The following EBF2 variants were observed in gnomAD, a reference collection of about 807,000 sequenced individuals.
EBF2 encodes the protein transcription factor COE2.
EBF2 carries 21 observed loss-of-function variants against 72.8 expected under a neutral mutation model. The ratio of observed to expected loss-of-function variants is 0.29; its 90% CI spans 0.20 to 0.42. The LOEUF (loss-of-function observed/expected upper bound fraction) is 0.42, where lower values mean the gene tolerates loss of function less well. Ranked by LOEUF, EBF2 falls within the 10% of genes least tolerant of loss-of-function variation. EBF2 has a pLI of 1.00. For missense variants in EBF2, 637 were observed against 731.2 expected (o/e 0.87, Z 1.49); for synonymous variants, 299 against 274.2 (o/e 1.09, Z -0.89).
intron 6 of EBF2, among the ~76,000 whole-genome samples, chr8:25,953,839 C>G (rs1210265505): frequency 6.6e-6 from 1 of 152,224 alleles, no homozygotes; most frequent in African/African-American, 2.4e-5. Flanking sequence ...AATCCTCCAT[C>G]GTCAGAGATC....
At chr8:25,995,696 G>A (rs1585220195) in intron 6 of EBF2, among the ~76,000 whole-genome samples, 2 of 151,916 alleles carry the variant, frequency 1.3e-5, no homozygotes, top group East Asian at 1.9e-4. Flanking sequence ...GTAAAAAGAT[G>A]TATAAGGGAT....
At chr8:25,926,023 T>TC (rs1489832085) in intron 6 of EBF2, among the ~76,000 whole-genome samples, 1 of 152,130 alleles carries the variant, frequency 6.6e-6, no homozygotes. Context: ...TTCTTTGCTA[T>TC]CCCTCAGCCC....
intron 10 of EBF2, among the ~76,000 whole-genome samples, chr8:25,866,074 C>A (rs891502885): frequency 6.6e-6 from 1 of 151,670 alleles, no homozygotes; most frequent in African/African-American, 2.4e-5. Flanking sequence ...GTAGCCAAAA[C>A]CCCTGACAGA....
rs1172220360 is a variant in EBF2 at position 26,044,100 on chromosome 8, G to A, written c.131+629C>T. On this transcript the variant is annotated intron_variant, in intron 1 of 15. Transcript: ENST00000520164. This position sits in a 1 kb window ranked among gnomAD's most constrained non-coding sequence, Gnocchi z 4.1. The stretch of plus-strand genomic sequence containing the variant: ...TCTTTTAAATCTCTTCTTTTCTCCA[G>A]TTCCCTAGCTCCGTTCGTCTGGCTC... 2.6e-5 allele frequency among the ~76,000 whole-genome samples: 4 copies of A among 152,166 alleles called. No individual in the cohort carries two copies. Among genetic ancestry groups the A allele is most frequent in the Non-Finnish European group, 4.4e-5 (3 of 68,028 alleles).
chr8:25,928,781 TG>T (rs1190741800), intron 6 of EBF2, among the ~76,000 whole-genome samples: 5 of 10,068 alleles, frequency 5.0e-4, no homozygotes, highest in African/African-American at 1.6e-3. Context: ...GATTTTTAAA[TG>T]AAAAAAAAAA....
chr8:25,867,447 C>T lies in EBF2; in HGVS notation c.1010-4650G>A, dbSNP rs889901999. Among the ~76,000 whole-genome samples the T allele has an allele frequency of 2.0e-5, 3 of 152,190 alleles. No homozygotes were observed. The South Asian group carries it at 6.2e-4, about 32-fold the overall frequency. On this transcript the variant is annotated intron_variant, in intron 10 of 15. Coordinates refer to ENST00000520164, the MANE Select transcript of EBF2 (RefSeq NM_022659.4). ...CATTTGAGACCGCTCATATTCTCCA[C>T]TTCTAGAAACCCTCCCACCCACTGG...
chr8:25,909,190 G>A (rs1037646384), intron 6 of EBF2, among the ~76,000 whole-genome samples: 1 of 152,078 alleles, frequency 6.6e-6, no homozygotes, highest in Non-Finnish European at 1.5e-5. Context: ...ATGGTCTGAG[G>A]TTAGCATTTG....
At chr8:25,912,233 A>G (rs990671418) in intron 6 of EBF2, among the ~76,000 whole-genome samples, 3 of 152,166 alleles carry the variant, frequency 2.0e-5, no homozygotes, top group Non-Finnish European at 2.9e-5. Context: ...GCCAAAGATC[A>G]TAAGCTTGTA....
At chr8:25,990,264 T>C (rs1804523856) in intron 6 of EBF2, among the ~76,000 whole-genome samples, 1 of 152,036 alleles carries the variant, frequency 6.6e-6, no homozygotes, top group South Asian at 2.1e-4. Flanking sequence ...ATCCTTCCTC[T>C]GAGTTTAAAA....
intron 6 of EBF2, among the ~76,000 whole-genome samples, chr8:25,929,530 G>C (rs1255602693): frequency 1.3e-5 from 2 of 152,064 alleles, no homozygotes; most frequent in African/African-American, 2.4e-5. Flanking sequence ...TTCACTATGT[G>C]CCTTCATTTC....
intron 7 of EBF2, among the ~76,000 whole-genome samples, chr8:25,896,509 C>T (rs545763928): frequency 2.6e-5 from 4 of 152,174 alleles, no homozygotes; most frequent in Non-Finnish European, 5.9e-5. Context: ...TTCTTTATGA[C>T]ATTTTACATC....
chr8:25,843,747 T>G lies in EBF2; in HGVS notation c.*862A>C, dbSNP rs1397709385. 6.6e-6 allele frequency: 1 copy of G among 152,274 alleles called. No homozygotes were observed. Among genetic ancestry groups the G allele is most frequent in the East Asian group, 1.9e-4 (1 of 5,200 alleles). 9.4% of individuals were successfully genotyped at this position (152,274 alleles called of 1,614,324 possible). On this transcript the variant is annotated 3_prime_UTR_variant, in exon 16 of 16. Coordinates refer to ENST00000520164, the MANE Select transcript of EBF2 (RefSeq NM_022659.4). ...ATTGATGGGTTGGAGTATTTGTGCATGTGCTAGAGTGTCTGTTTCTGCATT... is the reference window on the plus strand; with the variant it reads ...ATTGATGGGTTGGAGTATTTGTGCAGGTGCTAGAGTGTCTGTTTCTGCATT...
chr8:25,867,716 G>A (rs1802358699), intron 10 of EBF2, among the ~76,000 whole-genome samples: 2 of 152,136 alleles, frequency 1.3e-5, no homozygotes, highest in African/African-American at 2.4e-5. Context: ...CTGAGATTCA[G>A]CTTTAAATAT....
intron 6 of EBF2, among the ~76,000 whole-genome samples, chr8:26,027,240 C>T (rs1805315451): frequency 6.6e-6 from 1 of 152,252 alleles, no homozygotes; most frequent in East Asian, 1.9e-4. Context: ...AAGAAACACA[C>T]TTGAGAGACA....
chr8:26,002,916 GGGCAGGCGGGCAGGCAGGCA>G (rs1804762957), intron 6 of EBF2, among the ~76,000 whole-genome samples: 2 of 4,564 alleles, frequency 4.4e-4, no homozygotes, highest in African/African-American at 6.3e-4. Flanking sequence ...GCGGGCAGGC[GGGCAGGCGGGCAGGCAGGCA>G]GGCAGGCGGG....
At chr8:25,857,280 T>C (rs948612656) in intron 14 of EBF2, among the ~76,000 whole-genome samples, 23 of 152,026 alleles carry the variant, frequency 1.5e-4, no homozygotes, top group African/African-American at 5.1e-4. Context: ...GTGTATGCAT[T>C]GAACTGATAA....
intron 6 of EBF2, among the ~76,000 whole-genome samples, chr8:25,936,688 C>CGTT (rs1169819273): frequency 1.3e-5 from 2 of 152,048 alleles, no homozygotes; most frequent in South Asian, 4.1e-4. Context: ...AAGAGGGTTT[C>CGTT]GTTGTTGTTG....
chr8:26,040,045 C>T lies in EBF2; in HGVS notation c.465G>A (p.Thr155=). 1.2e-6 allele frequency: 2 copies of T among 1,613,958 alleles called. No individual in the cohort carries two copies. Among genetic ancestry groups the T allele is most frequent in the African/African-American group, 1.3e-5 (1 of 75,022 alleles). Residue 155 remains threonine, a synonymous_variant, in exon 5 of 16, where the codon ACG becomes ACA. Transcript: ENST00000520164. ...GCTCTTACCTACACATCACTTCGTG[C>T]GTCAGGAGAACTCGGCACATTTCCG... ...KNPEMCRVLL[T]HEVMCSRCCE...
chr8:25,892,001 C>T (rs1161711083), intron 7 of EBF2, among the ~76,000 whole-genome samples: 2 of 152,184 alleles, frequency 1.3e-5, no homozygotes, highest in Non-Finnish European at 2.9e-5. Flanking sequence ...CATTCAGCTT[C>T]AAGAATTGTC....
Sources: gnomAD v4.1 joint callset for allele counts (sites outside exome capture counted in the v4.1 genomes callset) on GRCh38, gnomAD v4.1.1 for gene constraint, Gnocchi (gnomAD v3.1) non-coding constraint, MANE v1.5 for transcripts, NCBI Gene and HGNC (gene_info 2026-07-23, HGNC 2026-07-21) for gene names.